ITPKB: variants seen among roughly 807,000 people sequenced by gnomAD.
ITPKB encodes IP3 3-kinase B.
Under a neutral mutation model 69.4 loss-of-function variants are expected in ITPKB, and 13 were observed. The observed-to-expected ratio is 0.19, with a 90% CI of 0.12 to 0.30. The LOEUF (loss-of-function observed/expected upper bound fraction) is 0.30. Ranked by LOEUF, ITPKB falls within the 10% of genes least tolerant of loss-of-function variation. The pLI, the probability that ITPKB is intolerant of heterozygous loss-of-function variation, is 1.00. For missense variants in ITPKB, 1,240 were observed against 1,250.5 expected, an observed-to-expected ratio of 0.99 and a Z score of 0.13; for synonymous variants, 584 against 513.7, an observed-to-expected ratio of 1.14 and a Z score of -1.85.
Position 226,736,010 on chromosome 1 carries a change from G to T in ITPKB, c.1449C>A (p.Asp483Glu). The change falls in exon 2 of 8, where the codon GAC (aspartate) becomes GAA (glutamate). Residue 483 changes from aspartate (D) to glutamate (E), a missense_variant. Physicochemically the swap from Asp to Glu is conservative, Grantham distance 45. Around this residue, in one of 2 missense-constraint regions of ITPKB, gnomAD observed 992 missense variants for 853.8 expected, o/e 1.16. Transcript: ENST00000429204. Reference sequence around the variant, plus strand: ...GAGGTTCTTTCAGATCTTTCGCAGCGTCCCAACAGGGCAAAGGCTCCAGCA... The same window carrying T: ...GAGGTTCTTTCAGATCTTTCGCAGCTTCCCAACAGGGCAAAGGCTCCAGCA... Reference protein sequence around the residue: ...GRMLEPLPCWDAAKDLKEPQC... With the variant: ...GRMLEPLPCWEAAKDLKEPQC... The T allele has an allele frequency of 1.2e-6, 2 of 1,613,766 alleles. No homozygotes were observed. Among genetic ancestry groups the T allele is most frequent in the Non-Finnish European group, 1.7e-6 (2 of 1,179,998 alleles).
chr1:226,653,992 T>C (rs1669240882), intron 2 of ITPKB, among the ~76,000 whole-genome samples: 1 of 152,166 alleles, frequency 6.6e-6, no homozygotes, highest in African/African-American at 2.4e-5. Flanking sequence ...AGTCTCGTGC[T>C]GAACTCCAGA....
chr1:226,663,913 T>G (rs1669446819), intron 2 of ITPKB, among the ~76,000 whole-genome samples: 2 of 152,186 alleles, frequency 1.3e-5, no homozygotes, highest in Admixed American at 1.3e-4. Flanking sequence ...CAAAGTGAGG[T>G]GAGGATCTCC....
At chr1:226,649,845 C>CA (rs5781445) in intron 2 of ITPKB, among the ~76,000 whole-genome samples, 72,184 of 150,174 alleles carry the variant, frequency 0.48, 18,063 homozygotes, top group East Asian at 0.68. Context: ...CAAAACAAAA[C>CA]AAAAAAACAA....
intron 4 of ITPKB, among the ~76,000 whole-genome samples, chr1:226,643,253 T>TC (rs1326194722): frequency 6.6e-6 from 1 of 151,732 alleles, no homozygotes; most frequent in Non-Finnish European, 1.5e-5. Context: ...ACACGCCACC[T>TC]CCCCCAGCAC....
chr1:226,707,473 A>G (rs1362891455), intron 2 of ITPKB: 3 of 946,280 alleles, frequency 3.2e-6, no homozygotes, highest in Non-Finnish European at 3.8e-6. Context: ...CTGGGATTAC[A>G]GATGTGAGCC....
chr1:226,696,227 T>C (rs754134646), intron 2 of ITPKB, among the ~76,000 whole-genome samples: 3 of 152,180 alleles, frequency 2.0e-5, no homozygotes, highest in Non-Finnish European at 4.4e-5. Flanking sequence ...GAAATGGGGA[T>C]AATAATATCT....
In ITPKB at chr1:226,710,067, A is replaced by G. The variant is rs558143406; in HGVS notation, c.1932+25460T>C. ...TCAGCCACATCCCAGTGACAGATAA[A>G]TCTGTCTTCCCTGCCCCTGTCTCCT... On this transcript the variant is annotated intron_variant, in intron 2 of 7. Transcript: ENST00000429204. 1.3e-4 allele frequency among the ~76,000 whole-genome samples: 20 copies of G among 152,156 alleles called. No homozygotes were observed. The South Asian group carries it at 3.9e-3, about 30-fold the overall frequency.
intron 7 of ITPKB, among the ~76,000 whole-genome samples, chr1:226,636,750 CTCTGTG>C (rs1668845752): frequency 1.6e-5 from 2 of 121,256 alleles, no homozygotes; most frequent in African/African-American, 3.3e-5. Flanking sequence ...AGGACTGCAG[CTCTGTG>C]TGTGTGTGTG....
intron 2 of ITPKB, among the ~76,000 whole-genome samples, chr1:226,717,247 A>G (rs940283477): frequency 2.6e-5 from 4 of 152,220 alleles, no homozygotes; most frequent in African/African-American, 9.6e-5. Context: ...AAAGATGGCA[A>G]GGACATGGGC....
In ITPKB at chr1:226,736,642, T is replaced by C; in HGVS notation, c.817A>G (p.Met273Val). The C allele has an allele frequency of 6.2e-7, 1 of 1,613,458 alleles. No homozygotes were observed. Among genetic ancestry groups the C allele is most frequent in the East Asian group, 2.2e-5 (1 of 44,870 alleles). The change falls in exon 2 of 8, where the codon ATG (methionine) becomes GTG (valine). Residue 273 changes from methionine (M) to valine (V), a missense_variant. Met to Val is a conservative substitution (Grantham distance 21). Coordinates refer to ENST00000429204, the MANE Select transcript of ITPKB (RefSeq NM_002221.4). ...GGAGAGCCCCTTTTGTCAATTTCCA[T>C]AGCTGTGGGTGAGCCACAGCGGGGA... ...ASPRCGSPTA[M>V]EIDKRGSPTP...
chr1:226,732,078 A>G (rs1271232185), intron 2 of ITPKB, among the ~76,000 whole-genome samples: 2 of 151,312 alleles, frequency 1.3e-5, no homozygotes, highest in Non-Finnish European at 2.9e-5. Context: ...CAGAAAAAAA[A>G]AAGACAACAA....
chr1:226,704,903 A>G (rs1656764986), intron 2 of ITPKB, among the ~76,000 whole-genome samples: 1 of 152,256 alleles, frequency 6.6e-6, no homozygotes, highest in Admixed American at 6.5e-5. Flanking sequence ...AAAATTTACA[A>G]CTTGAAAGAA....
At chr1:226,688,094 G>GA (rs1325243720) in intron 2 of ITPKB, among the ~76,000 whole-genome samples, 1 of 152,182 alleles carries the variant, frequency 6.6e-6, no homozygotes, top group Non-Finnish European at 1.5e-5. Flanking sequence ...CCTCTGGCAA[G>GA]AAAAAACAAA....
intron 2 of ITPKB, among the ~76,000 whole-genome samples, chr1:226,654,328 C>G (rs1454540518): frequency 6.6e-6 from 1 of 152,194 alleles, no homozygotes; most frequent in African/African-American, 2.4e-5. Flanking sequence ...CAGCCACATT[C>G]CCCTGCAACA....
chr1:226,711,834 A>AG, intron 2 of ITPKB, among the ~76,000 whole-genome samples: 1 of 152,156 alleles, frequency 6.6e-6, no homozygotes, highest in Non-Finnish European at 1.5e-5. Flanking sequence ...AAAAGGCAAA[A>AG]GGGGGAAGAT....
Position 226,736,787 on chromosome 1 carries a change from G to A in ITPKB, c.672C>T (p.Ser224=), listed in dbSNP as rs764780136. The change falls in exon 2 of 8, where the codon AGC becomes AGT. Residue 224 remains serine (S), a synonymous_variant. Transcript: ENST00000429204. ...GTDSGRKGGP[S]LCSSQVKKGM... ...CTTTCTTCACCTGCGAGGAGCATAG[G>A]CTGGGCCCTCCTTTCCTCCCGGAGT... 1.9e-6 allele frequency: 3 copies of A among 1,613,086 alleles called. No homozygotes were observed. Among genetic ancestry groups the A allele is most frequent in the Non-Finnish European group, 2.5e-6 (3 of 1,180,016 alleles).
intron 2 of ITPKB, among the ~76,000 whole-genome samples, chr1:226,655,069 TGGGGAGGA>T (rs2102751704): frequency 1.6e-5 from 1 of 61,498 alleles, no homozygotes; most frequent in African/African-American, 6.6e-5. Flanking sequence ...GAAGAGGAGG[TGGGGAGGA>T]GGGGAGGAGG....
intron 2 of ITPKB, among the ~76,000 whole-genome samples, chr1:226,689,424 G>A (rs1334151059): frequency 1.3e-5 from 2 of 152,138 alleles, no homozygotes; most frequent in Non-Finnish European, 2.9e-5. Flanking sequence ...CCGCTGCTGC[G>A]GGCCAGGTAC....
intron 2 of ITPKB, among the ~76,000 whole-genome samples, chr1:226,695,766 A>G (rs1359126042): frequency 6.6e-6 from 1 of 152,190 alleles, no homozygotes; most frequent in East Asian, 1.9e-4. Context: ...AGGGAAGAGA[A>G]GAAGGACAGG....
Sources: allele counts gnomAD v4.1 joint callset (sites outside exome capture counted in the v4.1 genomes callset), GRCh38; gene constraint gnomAD v4.1.1; regional missense constraint gnomAD v4.1.1; transcripts MANE v1.5; gene names NCBI Gene and HGNC (gene_info 2026-07-23, HGNC 2026-07-21).